The following UGT1A9 variants were observed in gnomAD, a reference collection of about 807,000 sequenced individuals.
UGT1A9 encodes the protein UDP-glucuronosyltransferase 1A9.
Under a neutral mutation model 45.0 loss-of-function variants are expected in UGT1A9, and 35 were observed. The observed-to-expected ratio is 0.78, with a 90% CI of 0.59 to 1.03. UGT1A9 has a LOEUF of 1.03. UGT1A9 is among the 50% of genes least tolerant of loss of function. UGT1A9 has a pLI of 0.00. For missense variants in UGT1A9, 687 were observed against 666.6 expected, an observed-to-expected ratio of 1.03 and a Z score of -0.34; for synonymous variants, 278 against 250.6, an observed-to-expected ratio of 1.11 and a Z score of -1.03.
intron 1 of UGT1A9, among the ~76,000 whole-genome samples, chr2:233,720,310 T>C (rs1232996751): frequency 6.6e-6 from 1 of 152,138 alleles, no homozygotes; most frequent in Non-Finnish European, 1.5e-5. Context: ...GTCTGGTGTA[T>C]GATGTGGGGA....
chr2:233,745,215 C>A (rs1693043227), intron 1 of UGT1A9, among the ~76,000 whole-genome samples: 1 of 151,738 alleles, frequency 6.6e-6, no homozygotes, highest in African/African-American at 2.4e-5. Context: ...TCCTCTCAGA[C>A]AAAAGGAAAT....
chr2:233,710,141 G>C (rs1559356797), intron 1 of UGT1A9, among the ~76,000 whole-genome samples: 1 of 152,156 alleles, frequency 6.6e-6, no homozygotes, highest in Non-Finnish European at 1.5e-5. Context: ...TCATTGTATA[G>C]ATATATCATC....
chr2:233,672,102 T>G lies in UGT1A9; in HGVS notation c.168T>G (p.Val56=), dbSNP rs762092554. ...EKLILRGHEV[V]VVMPEVSWQL... is the part of the protein sequence containing the mutation. The stretch of plus-strand genomic sequence containing the variant: ...TCATTCTCAGGGGGCATGAGGTGGT[T>G]GTAGTCATGCCAGAGGTGAGTTGGC... Residue 56 remains valine, a synonymous_variant, in exon 1 of 5, where the codon GTT becomes GTG. Coordinates refer to ENST00000354728, the MANE Select transcript of UGT1A9 (RefSeq NM_021027.3). 16 of 1,614,022 alleles carry G rather than the reference T, an allele frequency of 9.9e-6. No homozygotes were observed. The African/African-American group carries it at 1.1e-4, about 11-fold the overall frequency.
intron 1 of UGT1A9, among the ~76,000 whole-genome samples, chr2:233,749,208 CA>C (rs1559394087): frequency 6.6e-6 from 1 of 151,746 alleles, no homozygotes; most frequent in Non-Finnish European, 1.5e-5. Flanking sequence ...GTATTATTGC[CA>C]AACACTCTAA....
chr2:233,729,741 G>A (rs746811742), intron 1 of UGT1A9: 25 of 1,613,946 alleles, frequency 1.5e-5, no homozygotes, highest in South Asian at 3.3e-5. Context: ...CAGACCACAT[G>A]ACATTCATGC....
At chr2:233,680,074 T>C (rs189153237) in intron 1 of UGT1A9, among the ~76,000 whole-genome samples, 4 of 152,298 alleles carry the variant, frequency 2.6e-5, no homozygotes, top group Admixed American at 2.0e-4. Context: ...TCTATCTTCA[T>C]TGATTTTGAA....
chr2:233,715,489 G>C (rs2076454143), intron 1 of UGT1A9, among the ~76,000 whole-genome samples: 1 of 152,016 alleles, frequency 6.6e-6, no homozygotes, highest in Non-Finnish European at 1.5e-5. Flanking sequence ...AAAATGATTT[G>C]TGTGCAAGTG....
intron 1 of UGT1A9, among the ~76,000 whole-genome samples, chr2:233,733,638 G>T (rs913820039): frequency 6.6e-6 from 1 of 152,200 alleles, no homozygotes; most frequent in East Asian, 1.9e-4. Flanking sequence ...AACCAGCCTT[G>T]CATCCCAAGG....
chr2:233,738,553 G>C (rs890940493), intron 1 of UGT1A9, among the ~76,000 whole-genome samples: 2 of 152,228 alleles, frequency 1.3e-5, no homozygotes, highest in African/African-American at 2.4e-5. Context: ...CTCAGATAGA[G>C]ATGAGGAATC....
chr2:233,693,032 A>G (rs535145874), intron 1 of UGT1A9: 2 of 1,614,132 alleles, frequency 1.2e-6, no homozygotes, highest in Admixed American at 1.7e-5. Flanking sequence ...CTCATTTCAG[A>G]GAATTTCTGC....
At chr2:233,700,178 C>A (rs1315960228) in intron 1 of UGT1A9, among the ~76,000 whole-genome samples, 2 of 152,190 alleles carry the variant, frequency 1.3e-5, no homozygotes, top group Non-Finnish European at 2.9e-5. Context: ...CTCATTCAGG[C>A]TGAAATCTCA....
At chr2:233,752,177 T>C (rs1381514307) in intron 1 of UGT1A9, among the ~76,000 whole-genome samples, 5 of 152,176 alleles carry the variant, frequency 3.3e-5, no homozygotes, top group Non-Finnish European at 7.3e-5. Context: ...TGATGTAAGC[T>C]GAATTAAAAT....
Position 233,729,252 on chromosome 2 carries a change from C to T in UGT1A9, c.856-37782C>T, listed in dbSNP as rs1553613077. ...TGCCCATTGATGGCAGCCACTGGCT[C>T]AGCATGCGGGAGGTCTTGCGGGAGC... On this transcript the variant is annotated intron_variant, in intron 1 of 4. Coordinates refer to ENST00000354728, the MANE Select transcript of UGT1A9 (RefSeq NM_021027.3). 65 of 1,614,244 alleles carry T rather than the reference C, an allele frequency of 4.0e-5. 3 individuals carry two copies. The South Asian group carries it at 6.7e-4, about 17-fold the overall frequency.
intron 1 of UGT1A9, among the ~76,000 whole-genome samples, chr2:233,701,178 A>G (rs961911263): frequency 7.9e-5 from 12 of 152,194 alleles, no homozygotes; most frequent in African/African-American, 2.7e-4. Flanking sequence ...CGTTATAAAC[A>G]TACATGTGCA....
At chr2:233,702,391 T>C (rs2075684338) in intron 1 of UGT1A9, among the ~76,000 whole-genome samples, 1 of 152,202 alleles carries the variant, frequency 6.6e-6, no homozygotes, top group South Asian at 2.1e-4. Context: ...ACATTCCAGA[T>C]CATGTTATCT....
At chr2:233,739,868 G>A (rs1691228804) in intron 1 of UGT1A9, among the ~76,000 whole-genome samples, 1 of 151,904 alleles carries the variant, frequency 6.6e-6, no homozygotes. Context: ...AGAATGATAT[G>A]ATTTGACTGT....
chr2:233,712,271 C>T (rs3893334), intron 1 of UGT1A9, among the ~76,000 whole-genome samples: 15,485 of 152,260 alleles, frequency 0.1, 907 homozygotes, highest in East Asian at 0.2. Flanking sequence ...GTGCTTTAGA[C>T]AGCAGCACCT....
chr2:233,682,324 T>G lies in UGT1A9; in HGVS notation c.855+9535T>G, dbSNP rs17868323. On this transcript the variant is annotated intron_variant, in intron 1 of 4. Coordinates refer to ENST00000354728, the MANE Select transcript of UGT1A9 (RefSeq NM_021027.3). ...TTTCAAATTGCAGGAGTTTGTTTAA[T>G]GACCGAAAATTAGTAGAATACTTAA... 1,002,404 of 1,612,848 alleles carry G rather than the reference T, an allele frequency of 0.62. 314,252 individuals carry two copies. The highest frequency in any genetic ancestry group is 0.65 in the South Asian group (59,099 of 91,048).
At chr2:233,760,220 G>A (rs1697349973) in intron 1 of UGT1A9, 6 of 1,593,686 alleles carry the variant, frequency 3.8e-6, no homozygotes, top group African/African-American at 1.4e-5. Flanking sequence ...TTGGTGTATC[G>A]ATTGGTTTTT....
Sources: allele counts gnomAD v4.1 joint callset (sites outside exome capture counted in the v4.1 genomes callset), GRCh38; gene constraint gnomAD v4.1.1; transcripts MANE v1.5; gene names NCBI Gene and HGNC (gene_info 2026-07-23, HGNC 2026-07-21).